The following PDS5A variants were observed in gnomAD, a reference collection of about 807,000 sequenced individuals.
PDS5A encodes PDS5 cohesin associated factor A.
A neutral mutation model predicts 167.1 loss-of-function variants in PDS5A; 42 were observed. That is an observed-to-expected ratio of 0.25 (90% CI 0.20 to 0.33). The LOEUF (loss-of-function observed/expected upper bound fraction) is 0.33, where lower values mean the gene tolerates loss of function less well. Ranked by LOEUF, PDS5A falls within the 10% of genes least tolerant of loss-of-function variation. The pLI is 1.00. For synonymous variants in PDS5A, 553 were observed against 554.6 expected (o/e 1.00, Z 0.04); for missense variants, 1,033 against 1,605.9 (o/e 0.64, Z 6.10).
At chr4:39,872,026 G>T (rs1299758808) in intron 21 of PDS5A, among the ~76,000 whole-genome samples, 1 of 151,990 alleles carries the variant, frequency 6.6e-6, no homozygotes, top group African/African-American at 2.4e-5. Context: ...CTTAATCAAG[G>T]TGTGTTTCCG....
chr4:39,906,936 A>AC (rs2109670444), intron 11 of PDS5A, among the ~76,000 whole-genome samples: 6 of 151,322 alleles, frequency 4.0e-5, no homozygotes, highest in Non-Finnish European at 8.8e-5. Context: ...AAAAAAAAAA[A>AC]AAAAAAACAA....
At chr4:39,935,059 TTG>T (rs1726462146) in intron 2 of PDS5A, among the ~76,000 whole-genome samples, 1 of 152,184 alleles carries the variant, frequency 6.6e-6, no homozygotes, top group Non-Finnish European at 1.5e-5. Context: ...GGTTTGTGCT[TTG>T]TGTGTCCTAC....
At chr4:39,913,469 C>T (rs984372882) in intron 9 of PDS5A, 142 bp downstream of exon 9, 16 of 567,662 alleles carry the variant, frequency 2.8e-5, no homozygotes, top group African/African-American at 2.8e-4. Context: ...ACAATTTATT[C>T]CATAAGAAGG....
At chr4:39,860,161 T>C (rs943629289) in intron 26 of PDS5A, among the ~76,000 whole-genome samples, 2 of 151,708 alleles carry the variant, frequency 1.3e-5, no homozygotes, top group Non-Finnish European at 2.9e-5. Context: ...ATATCCAAAA[T>C]AAAGGAATTC....
At chr4:39,827,990 G>C (rs947558498) in intron 32 of PDS5A, among the ~76,000 whole-genome samples, 1 of 152,140 alleles carries the variant, frequency 6.6e-6, no homozygotes, top group African/African-American at 2.4e-5. Context: ...TTAACACAAA[G>C]AGGAAAAACA....
At chr4:39,854,657 C>T (rs936513841) in intron 26 of PDS5A, among the ~76,000 whole-genome samples, 1 of 152,180 alleles carries the variant, frequency 6.6e-6, no homozygotes, top group Non-Finnish European at 1.5e-5. Context: ...GCATATATCA[C>T]ATATCATATT....
chr4:39,930,246 A>AATTTTTTT, intron 2 of PDS5A, among the ~76,000 whole-genome samples: 3 of 93,162 alleles, frequency 3.2e-5, no homozygotes, highest in Non-Finnish European at 6.7e-5. Context: ...AAAAAAAAAA[A>AATTTTTTT]GTTTTTTTGT....
chr4:39,873,650 G>A (rs1019935846), intron 20 of PDS5A, among the ~76,000 whole-genome samples: 1 of 152,144 alleles, frequency 6.6e-6, no homozygotes, highest in Non-Finnish European at 1.5e-5. Context: ...AGGGTTCTTA[G>A]GTACTTTAAA....
chr4:39,911,434 C>G (rs914958123), intron 9 of PDS5A, among the ~76,000 whole-genome samples: 1 of 150,900 alleles, frequency 6.6e-6, no homozygotes, highest in Admixed American at 6.6e-5. Flanking sequence ...TGTCTCACCA[C>G]TTAAGTTTCT....
At chr4:39,959,052 T>C (rs111696542) in intron 2 of PDS5A, among the ~76,000 whole-genome samples, 3 of 152,204 alleles carry the variant, frequency 2.0e-5, no homozygotes, top group Non-Finnish European at 4.4e-5. Flanking sequence ...TATGAATTTC[T>C]TGACAATCAA....
chr4:39,877,348 C>T (rs1720547470), intron 18 of PDS5A, among the ~76,000 whole-genome samples, 195 bp from the exon 19 acceptor site: 1 of 151,768 alleles, frequency 6.6e-6, no homozygotes, highest in Admixed American at 6.6e-5. Flanking sequence ...TGGTAGCTTC[C>T]AGTTATTCCT....
intron 2 of PDS5A, 65 bp downstream of exon 2, chr4:39,976,375 G>A (rs1731081914): frequency 1.4e-6 from 2 of 1,418,490 alleles, no homozygotes; most frequent in Admixed American, 1.7e-5. Context: ...AGACTGAGCA[G>A]GGTAGCAGTA....
intron 2 of PDS5A, among the ~76,000 whole-genome samples, chr4:39,929,388 C>T (rs571412069): frequency 3.8e-4 from 58 of 151,730 alleles, no homozygotes; most frequent in African/African-American, 1.3e-3. Context: ...CATCTTTCTC[C>T]CGTGCTGGAT....
intron 18 of PDS5A, among the ~76,000 whole-genome samples, chr4:39,877,928 CA>C: frequency 6.6e-6 from 1 of 152,300 alleles, no homozygotes; most frequent in East Asian, 1.9e-4. Flanking sequence ...TATCACTCAA[CA>C]TAATTATCAA....
rs556006013 is a variant in PDS5A, at chr4:39,873,518, A to G, written c.2278-374T>C. ...TAAATGACCTTAAATCATACAAAGT[A>G]AGAGTTCACTGGGTTTTGGTCACAC... On this transcript the variant is annotated intron_variant, in intron 20 of 32. Coordinates refer to ENST00000303538, the MANE Select transcript of PDS5A (RefSeq NM_001100399.2). Among the ~76,000 whole-genome samples, 8 of 152,316 alleles carry G rather than the reference A, an allele frequency of 5.3e-5. No homozygotes were observed. The East Asian group carries it at 1.5e-3, about 29-fold the overall frequency.
intron 2 of PDS5A, among the ~76,000 whole-genome samples, chr4:39,962,501 T>G (rs1003191039): frequency 6.6e-6 from 1 of 152,074 alleles, no homozygotes; most frequent in Non-Finnish European, 1.5e-5. Flanking sequence ...TTAGCTTATT[T>G]GACTGCAAAT....
chr4:39,904,355 T>C (rs1395598719), intron 11 of PDS5A, among the ~76,000 whole-genome samples, 164 bp from the exon 12 acceptor site: 3 of 152,260 alleles, frequency 2.0e-5, no homozygotes, highest in Non-Finnish European at 2.9e-5. Flanking sequence ...TATTTTTTTT[T>C]TGAGACGGAG....
At chr4:39,897,956 G>C in intron 16 of PDS5A, 4 of 777,880 alleles carry the variant, frequency 5.1e-6, no homozygotes, top group Non-Finnish European at 6.2e-6. Flanking sequence ...TTCAAGAGAA[G>C]AATGAAGACA....
chr4:39,963,700 T>C (rs1729710158), intron 2 of PDS5A, among the ~76,000 whole-genome samples: 2 of 151,846 alleles, frequency 1.3e-5, no homozygotes, highest in South Asian at 2.1e-4. Flanking sequence ...AGCATGGTGG[T>C]GCATGCTTGT....
Sources: gnomAD v4.1 joint callset for allele counts (sites outside exome capture counted in the v4.1 genomes callset) on GRCh38, gnomAD v4.1.1 for gene constraint, MANE v1.5 for transcripts, NCBI Gene and HGNC (gene_info 2026-07-23, HGNC 2026-07-21) for gene names.